The following HAPSTR1 variants were observed in gnomAD, a reference collection of about 807,000 sequenced individuals.
HAPSTR1 encodes HUWE1-associated protein modifying stress responses 1.
chr16:9,120,760 C>G, the HAPSTR1 span: 2 of 150,062 alleles, frequency 1.3e-5, no homozygotes, highest in Non-Finnish European at 2.9e-5. Context: ...TCACCACAAC[C>G]TCTGCCTCCT....
At chr16:9,118,319 A>G in the HAPSTR1 span, 7 of 152,606 alleles carry the variant, frequency 4.6e-5, no homozygotes, top group South Asian at 6.2e-4. Context: ...GACCATTGCA[A>G]ATCAGTGTAA....
chr16:9,092,894 T>TTTTTTTTTTTTTTTGG, the HAPSTR1 span: 1 of 1,257,914 alleles, frequency 7.9e-7, no homozygotes, highest in South Asian at 1.5e-5. Flanking sequence ...TCTTTTTGGT[T>TTTTTTTTTTTTTTTGG]TTTTTTTTTT....
the HAPSTR1 span, chr16:9,120,642 C>G: frequency 1.5e-5 from 2 of 133,342 alleles, no homozygotes; most frequent in East Asian, 2.3e-4. Flanking sequence ...ATATACAGGT[C>G]TTTTATACAT....
the HAPSTR1 span, among the ~76,000 whole-genome samples, chr16:9,115,849 A>T: frequency 5.3e-5 from 8 of 152,082 alleles, no homozygotes; most frequent in African/African-American, 1.9e-4. Flanking sequence ...TCCTGACCTG[A>T]AGAGATCTGC....
At chr16:9,096,547 G>C in the HAPSTR1 span, among the ~76,000 whole-genome samples, 71,312 of 151,594 alleles carry the variant, frequency 0.47, 17,561 homozygotes, top group African/African-American at 0.62. Context: ...TACACTAAAG[G>C]AGAACTGAGC....
the HAPSTR1 span, chr16:9,103,092 G>T: frequency 1.2e-6 from 2 of 1,613,950 alleles, no homozygotes; most frequent in Non-Finnish European, 1.7e-6. Flanking sequence ...AGAACTATTC[G>T]TCGAGAAGAT....
the HAPSTR1 span, chr16:9,109,860 C>A: frequency 2.0e-5 from 3 of 151,966 alleles, no homozygotes; most frequent in Non-Finnish European, 2.9e-5. Context: ...ATTGCCGAGG[C>A]CTTTTTGGTT....
At chr16:9,096,768 A>G in the HAPSTR1 span, among the ~76,000 whole-genome samples, 1 of 152,148 alleles carries the variant, frequency 6.6e-6, no homozygotes, top group Non-Finnish European at 1.5e-5. Flanking sequence ...CATGCCTGTA[A>G]TCCCAGCACT....
At chr16:9,093,344 A>C in the HAPSTR1 span, among the ~76,000 whole-genome samples, 1 of 152,102 alleles carries the variant, frequency 6.6e-6, no homozygotes, top group Non-Finnish European at 1.5e-5. Flanking sequence ...CATGCCCCTA[A>C]AGTCAGTAGT....
the HAPSTR1 span, among the ~76,000 whole-genome samples, chr16:9,093,981 T>C: frequency 1.3e-5 from 2 of 152,138 alleles, no homozygotes; most frequent in African/African-American, 2.4e-5. Flanking sequence ...AATACCAATA[T>C]TGGTATTTTT....
At chr16:9,095,875 A>G in the HAPSTR1 span, among the ~76,000 whole-genome samples, 1 of 147,408 alleles carries the variant, frequency 6.8e-6, no homozygotes, top group East Asian at 1.9e-4. Context: ...AAGGAAGCCA[A>G]AATACTGACT....
chr16:9,100,337 G>A, the HAPSTR1 span, among the ~76,000 whole-genome samples: 1 of 152,110 alleles, frequency 6.6e-6, no homozygotes, highest in Non-Finnish European at 1.5e-5. Flanking sequence ...GAAACCATTA[G>A]TCCCTTGCAG....
the HAPSTR1 span, chr16:9,116,574 T>G: frequency 6.8e-7 from 1 of 1,477,516 alleles, no homozygotes; most frequent in Non-Finnish European, 9.2e-7. Flanking sequence ...TAGGCAGACA[T>G]GCTTTGACAT....
the HAPSTR1 span, chr16:9,106,927 G>C: frequency 6.6e-6 from 1 of 152,068 alleles, no homozygotes; most frequent in African/African-American, 2.4e-5. Context: ...ATCTCTGCCT[G>C]CCATTCTCAT....
chr16:9,092,412 C>A, the HAPSTR1 span: 1 of 718,434 alleles, frequency 1.4e-6, no homozygotes, highest in Non-Finnish European at 1.9e-6. Context: ...GCGGCCCTGC[C>A]GCCCCCTCCC....
the HAPSTR1 span, chr16:9,105,266 A>C: frequency 6.6e-6 from 1 of 152,242 alleles, no homozygotes; most frequent in African/African-American, 2.4e-5. Flanking sequence ...TCTAGGAAGA[A>C]AATGATCTTT....
At chr16:9,098,315 A>C in the HAPSTR1 span, among the ~76,000 whole-genome samples, 1 of 152,184 alleles carries the variant, frequency 6.6e-6, no homozygotes, top group Non-Finnish European at 1.5e-5. Flanking sequence ...CCTGGGCAGC[A>C]AGAGCGAAAA....
the HAPSTR1 span, chr16:9,103,152 C>G: frequency 6.2e-7 from 1 of 1,614,166 alleles, no homozygotes; most frequent in South Asian, 1.1e-5. Context: ...AACTCTAGAG[C>G]TCCCCCAAGA....
chr16:9,092,335 A>G, the HAPSTR1 span: 1,663 of 1,278,806 alleles, frequency 1.3e-3, 17 homozygotes, highest in African/African-American at 0.023. Context: ...CCCCGGCCCT[A>G]TCGGCTCAGC....
Sources: gnomAD v4.1 joint callset for allele counts (sites outside exome capture counted in the v4.1 genomes callset) on GRCh38, gnomAD v4.1.1 for gene constraint, MANE v1.5 for transcripts, NCBI Gene and HGNC (gene_info 2026-07-23, HGNC 2026-07-21) for gene names.